IL17RD: variants seen among roughly 807,000 people sequenced by gnomAD.
IL17RD encodes interleukin-17 receptor D.
In IL17RD, 52 loss-of-function variants were observed where a neutral mutation model predicts 80.5. That is an observed-to-expected ratio of 0.65 (90% confidence interval 0.52 to 0.81). The LOEUF (loss-of-function observed/expected upper bound fraction) is 0.81, where lower values mean the gene tolerates loss of function less well. IL17RD is among the 40% of genes least tolerant of loss of function. The pLI is 0.00. For missense variants in IL17RD, 1,024 were observed against 955.1 expected (o/e 1.07, Z -0.95); for synonymous variants, 416 against 391.8 (o/e 1.06, Z -0.73).
chr3:57,143,596 C>T (rs1707871510), intron 1 of IL17RD, among the ~76,000 whole-genome samples: 1 of 152,234 alleles, frequency 6.6e-6, no homozygotes, highest in Non-Finnish European at 1.5e-5. Context: ...ATCCCCTAGG[C>T]TTCATATGCA....
chr3:57,138,378 T>C (rs1707767213), intron 1 of IL17RD, among the ~76,000 whole-genome samples: 1 of 152,046 alleles, frequency 6.6e-6, no homozygotes, highest in African/African-American at 2.4e-5. Context: ...TAGGGCCACA[T>C]ATGCAGGAAG....
At chr3:57,114,656 A>T (rs780643336) in intron 3 of IL17RD, 36 bp downstream of exon 3, 1 of 1,563,878 alleles carries the variant, frequency 6.4e-7, no homozygotes, top group South Asian at 1.2e-5. Context: ...CTATCCACCC[A>T]GGTTATCACC....
rs61742268 is a variant in IL17RD, at chr3:57,098,006, G to A, written c.1697C>T (p.Pro566Leu). ...EPDWFEKQFV[P>L]FHPPPLRYRE... ...GTAGCGCAGTGGAGGAGGATGGAAG[G>A]GAACGAACTGCTTTTCGAACCAGTC... The change falls in exon 12 of 13, where the codon CCC becomes CTC. Residue 566 changes from proline to leucine, a missense_variant. Pro to Leu is a moderately conservative substitution (Grantham distance 98). Coordinates refer to ENST00000296318, the MANE Select transcript of IL17RD (RefSeq NM_017563.5). 1,994 of 1,614,012 alleles carry A rather than the reference G, an allele frequency of 1.2e-3. 28 individuals are homozygous for A. The African/African-American group carries it at 0.023, about 19-fold the overall frequency.
chr3:57,152,950 A>G (rs1403185897), intron 1 of IL17RD, among the ~76,000 whole-genome samples: 2 of 152,174 alleles, frequency 1.3e-5, no homozygotes, highest in South Asian at 4.2e-4. Flanking sequence ...CCGGCCAAAC[A>G]CAGGTCTTTA....
At chr3:57,155,911 G>A (rs1033405758) in intron 1 of IL17RD, among the ~76,000 whole-genome samples, 1 of 152,182 alleles carries the variant, frequency 6.6e-6, no homozygotes, top group African/African-American at 2.4e-5. Context: ...TTTTATTACA[G>A]TTGCTTGACT....
intron 1 of IL17RD, among the ~76,000 whole-genome samples, chr3:57,151,784 C>G (rs2107537142): frequency 6.6e-6 from 1 of 152,220 alleles, no homozygotes; most frequent in East Asian, 1.9e-4. Context: ...CAGAAATTCC[C>G]CAAATCAAGG....
intron 5 of IL17RD, 43 bp downstream of exon 5, chr3:57,109,493 GA>G (rs1249270983): frequency 1.6e-5 from 26 of 1,588,844 alleles, no homozygotes; most frequent in Non-Finnish European, 2.1e-5. Flanking sequence ...TAAAAGCGGA[GA>G]AAAGTCTTCT....
intron 1 of IL17RD, among the ~76,000 whole-genome samples, chr3:57,122,870 C>T (rs1707371289): frequency 6.6e-6 from 1 of 151,164 alleles, no homozygotes; most frequent in African/African-American, 2.4e-5. Context: ...TAACAATATG[C>T]TCCCTAGTGC....
rs1706720644 is a variant in IL17RD, at chr3:57,097,834, C to A, written c.1869G>T (p.Gln623His). The change falls in exon 12 of 13, where the codon CAG (glutamine) becomes CAT (histidine). Residue 623 changes from glutamine to histidine, a missense_variant. Physicochemically the swap from Gln to His is conservative, Grantham distance 24. Transcript: ENST00000296318. Reference sequence around the variant, plus strand: ...CCCCGTCTTGGTCCAGGCCCCCATGCTGACTCTCGTGCTGGGAGTCGGCTG... The same window carrying A: ...CCCCGTCTTGGTCCAGGCCCCCATGATGACTCTCGTGCTGGGAGTCGGCTG... ...TGPADSQHES[Q>H]HGGLDQDGEA... is the part of the protein sequence containing the mutation. 6.2e-7 allele frequency: 1 copy of A among 1,611,716 alleles called. No homozygotes were observed. Among genetic ancestry groups the A allele is most frequent in the Non-Finnish European group, 8.5e-7 (1 of 1,178,914 alleles).
chr3:57,127,249 TATAA>T lies in IL17RD; in HGVS notation c.127-6940_127-6937del, dbSNP rs1193625942. 1.1e-4 allele frequency among the ~76,000 whole-genome samples: 11 copies of T among 101,022 alleles called. 1 individual carries two copies. The highest frequency in any genetic ancestry group is 5.3e-4 in the African/African-American group (11 of 20,674). 66.3% of individuals were successfully genotyped at this position (101,022 alleles called of 152,430 possible). ...ATATATAAAAATATATAAATATATATATAAATATATATAAATATATATAAAAATA... is the reference window on the plus strand; with the variant it reads ...ATATATAAAAATATATAAATATATATATATATATAAATATATATAAAAATA... On this transcript the variant is annotated intron_variant, in intron 1 of 12. Transcript: ENST00000296318.
At chr3:57,153,578 T>C (rs1398982680) in intron 1 of IL17RD, among the ~76,000 whole-genome samples, 1 of 152,204 alleles carries the variant, frequency 6.6e-6, no homozygotes, top group Admixed American at 6.5e-5. Context: ...AGAAAGAAAT[T>C]ATGAATGACA....
At chr3:57,151,165 G>A (rs55656925) in intron 1 of IL17RD, among the ~76,000 whole-genome samples, 19 of 152,132 alleles carry the variant, frequency 1.2e-4, no homozygotes, top group Admixed American at 5.2e-4. Context: ...AGATTGAAGC[G>A]ATTTGAAATG....
chr3:57,108,038 T>C (rs1313189180), intron 5 of IL17RD, among the ~76,000 whole-genome samples: 1 of 152,030 alleles, frequency 6.6e-6, no homozygotes, highest in East Asian at 1.9e-4. Flanking sequence ...TACCACAAAA[T>C]CAACTTACAC....
upstream of IL17RD, among the ~76,000 whole-genome samples, chr3:57,168,139 C>A (rs1312338690): frequency 6.6e-6 from 1 of 152,142 alleles, no homozygotes; most frequent in Non-Finnish European, 1.5e-5. Context: ...GCCCATTTGT[C>A]CTCTTTCAGG....
At chr3:57,147,173 T>C (rs1707950732) in intron 1 of IL17RD, among the ~76,000 whole-genome samples, 1 of 152,090 alleles carries the variant, frequency 6.6e-6, no homozygotes, top group African/African-American at 2.4e-5. Flanking sequence ...AATGAGTACA[T>C]GTATACTGCT....
intron 1 of IL17RD, chr3:57,142,595 G>A (rs1345549644): frequency 2.8e-5 from 21 of 751,956 alleles, no homozygotes; most frequent in Non-Finnish European, 3.5e-5. Context: ...TGTTGGTGTC[G>A]CCAACCTGAG....
At chr3:57,148,518 T>C (rs1008737419) in intron 1 of IL17RD, among the ~76,000 whole-genome samples, 3 of 152,186 alleles carry the variant, frequency 2.0e-5, no homozygotes, top group Non-Finnish European at 4.4e-5. Context: ...TGTTTACAAA[T>C]TGGAACATTC....
intron 1 of IL17RD, among the ~76,000 whole-genome samples, chr3:57,155,532 T>A (rs772690505): frequency 1.5e-4 from 23 of 152,364 alleles, no homozygotes; most frequent in Non-Finnish European, 2.8e-4. Flanking sequence ...GCATATTTTT[T>A]ATGCTACTCT....
chr3:57,130,533 CCT>C (rs1225174610), intron 1 of IL17RD, among the ~76,000 whole-genome samples: 2 of 152,184 alleles, frequency 1.3e-5, no homozygotes, highest in Admixed American at 6.5e-5. Context: ...TAAGTATCTG[CCT>C]CTCTCTGCAA....
Sources: allele counts gnomAD v4.1 joint callset (sites outside exome capture counted in the v4.1 genomes callset), GRCh38; gene constraint gnomAD v4.1.1; transcripts MANE v1.5; gene names NCBI Gene and HGNC (gene_info 2026-07-23, HGNC 2026-07-21).